DMAC2: variants seen among roughly 807,000 people sequenced by gnomAD.
The protein encoded by DMAC2 is distal membrane-arm assembly complex protein 2.
Under a neutral mutation model 29.6 loss-of-function variants are expected in DMAC2, and 32 were observed. The observed-to-expected ratio is 1.08, with a 90% CI of 0.81 to 1.45. The LOEUF is 1.45. DMAC2 is among the 40% of genes most tolerant of loss of function. DMAC2 has a pLI of 0.00. For synonymous variants in DMAC2, 133 were observed against 137.4 expected, an observed-to-expected ratio of 0.97 and a Z score of 0.23; for missense variants, 319 against 340.0, an observed-to-expected ratio of 0.94 and a Z score of 0.49.
intron 1 of DMAC2, chr19:41,439,229 C>A: frequency 2.9e-5 from 11 of 375,312 alleles, no homozygotes; most frequent in East Asian, 4.7e-5. Flanking sequence ...TTTTTTTTTT[C>A]AAATTATCTC....
chr19:41,432,440 T>G lies in DMAC2; in HGVS notation c.597-32A>C, dbSNP rs148566934. 5.0e-6 allele frequency: 8 copies of G among 1,606,656 alleles called. No individual in the cohort carries two copies. In the East Asian group the frequency reaches 1.8e-4, roughly 36 times the overall value. ...AGGGGTGAGAAGGACAGGAAGCCAG[T>G]GTAAGGACAGCATGTGTGTGTGTGT... On this transcript the variant is annotated intron_variant, in intron 5 of 5. Coordinates refer to ENST00000221943, the MANE Select transcript of DMAC2 (RefSeq NM_018035.3).
chr19:41,436,367 C>G, intron 3 of DMAC2, 25 bp downstream of exon 3: 2 of 1,608,576 alleles, frequency 1.2e-6, no homozygotes, highest in Non-Finnish European at 1.7e-6. Context: ...TGCCCCAGCC[C>G]GTTCTAACAC....
intron 5 of DMAC2, chr19:41,432,883 CGT>C: frequency 4.9e-6 from 2 of 405,092 alleles, no homozygotes; most frequent in Non-Finnish European, 8.8e-6. Context: ...TGTGTGTGTG[CGT>C]GCGTGCATGC....
intron 2 of DMAC2, among the ~76,000 whole-genome samples, chr19:41,437,071 A>G (rs1555771423): frequency 1.3e-5 from 2 of 152,138 alleles, no homozygotes; most frequent in East Asian, 1.9e-4. Flanking sequence ...GCTGGTGATG[A>G]TAAGATTCCT....
chr19:41,439,528 A>G, intron 1 of DMAC2: 1 of 1,537,006 alleles, frequency 6.5e-7, no homozygotes, highest in South Asian at 1.2e-5. Flanking sequence ...AATCCCTTCC[A>G]AGCTCTCTTA....
intron 3 of DMAC2, among the ~76,000 whole-genome samples, chr19:41,434,403 A>AT (rs2122225472): frequency 6.6e-6 from 1 of 151,230 alleles, no homozygotes; most frequent in African/African-American, 2.4e-5. Context: ...ATCTCAAAAA[A>AT]AAAAAAAAAA....
At position 41,433,570 on chromosome 19, in the gene DMAC2, A is replaced by T; in HGVS notation, c.400T>A (p.Cys134Ser). ...TCCAGGCCCTCGTAGTTGATGTCAC[A>T]GTCACCGGCATCCACAGCTTCGACA... ...VPVEAVDAGD[C>S]DINYEGLDNL... The change falls in exon 4 of 6, where the codon TGT becomes AGT. Residue 134 changes from cysteine to serine, a missense_variant. Physicochemically the swap from Cys to Ser is moderately radical, Grantham distance 112. Transcript: ENST00000221943. The T allele has an allele frequency of 1.2e-6, 2 of 1,614,172 alleles. No individual in the cohort carries two copies. The highest frequency in any genetic ancestry group is 1.7e-6 in the Non-Finnish European group (2 of 1,180,020).
rs2231944 is a variant in DMAC2, at chr19:41,432,303, G to A, written c.702C>T (p.Val234=). ...CTGACTTCAGGCCCTCAGCCCAGTC[G>A]ACTCCCACAACCTCGCAATTGGGCA... ...EMLPNCEVVG[V]DWAEGLKSGP... Residue 234 remains valine (V), a synonymous_variant, in exon 6 of 6, where the codon GTC becomes GTT. Coordinates refer to ENST00000221943, the MANE Select transcript of DMAC2 (RefSeq NM_018035.3). 9,628 of 1,614,112 alleles carry A rather than the reference G, an allele frequency of 6.0e-3. 469 individuals carry two copies. In the African/African-American group the frequency reaches 0.11, roughly 18 times the overall value.
chr19:41,439,729 C>G (rs1391511436), intron 1 of DMAC2, 153 bp downstream of exon 1: 1 of 1,385,556 alleles, frequency 7.2e-7, no homozygotes, highest in Non-Finnish European at 1.0e-6. Context: ...CTGGCCCCCA[C>G]TAGCCACAGG....
In DMAC2 at chr19:41,433,445, G is replaced by T. The variant is rs199581403; in HGVS notation, c.434-11C>A. 4 of 1,613,124 alleles carry T rather than the reference G, an allele frequency of 2.5e-6. No homozygotes were observed. The East Asian group carries it at 8.9e-5, about 36-fold the overall frequency. On this transcript the variant is annotated splice_polypyrimidine_tract_variant and intron_variant, in intron 4 of 5. Coordinates refer to ENST00000221943, the MANE Select transcript of DMAC2 (RefSeq NM_018035.3). ...GCTCCTTCAGGCGGACTGCGGTGGGGAGAGGGTGGGATGGCACCAGGAGCC... is the reference window on the plus strand; with the variant it reads ...GCTCCTTCAGGCGGACTGCGGTGGGTAGAGGGTGGGATGGCACCAGGAGCC...
rs782666075 is a variant in DMAC2 at position 41,438,431 on chromosome 19, G to C, written c.19-17C>G. On this transcript the variant is annotated splice_polypyrimidine_tract_variant and intron_variant, in intron 1 of 5. Transcript: ENST00000221943. ...GCGCAGGGACTGGGGAGGGGGAGAG[G>C]AAAGGAGCTGAGCCTGGAGCCTCCT... The C allele has an allele frequency of 1.2e-6, 2 of 1,601,482 alleles. No individual in the cohort carries two copies. Among genetic ancestry groups the C allele is most frequent in the East Asian group, 4.5e-5 (2 of 44,656 alleles).
rs781976580 is a variant in DMAC2, at chr19:41,436,479, A to T, written c.216-7T>A. 5.0e-6 allele frequency: 8 copies of T among 1,613,802 alleles called. No individual in the cohort carries two copies. Among genetic ancestry groups the T allele is most frequent in the Non-Finnish European group, 6.8e-6 (8 of 1,179,764 alleles). ...CTCCAGCCAGGTGTAAGATCTGCAG[A>T]GAAAATGGTAGCTAAGGGTGAGGCC... is the stretch of plus-strand genomic sequence containing the variant. On this transcript the variant is annotated splice_polypyrimidine_tract_variant and splice_region_variant and intron_variant, in intron 2 of 5. Coordinates refer to ENST00000221943, the MANE Select transcript of DMAC2 (RefSeq NM_018035.3).
At chr19:41,439,217 CTT>C (rs75124807) in intron 1 of DMAC2, 252 of 372,992 alleles carry the variant, frequency 6.8e-4, no homozygotes, top group East Asian at 1.3e-3. Flanking sequence ...TAACCAAATT[CTT>C]TTTTTTTTTC....
intron 1 of DMAC2, chr19:41,439,383 A>T: frequency 1.1e-6 from 1 of 879,004 alleles, no homozygotes; most frequent in Admixed American, 2.1e-5. Context: ...TCATGCCCTT[A>T]GAACCTCCAA....
Position 41,438,290 on chromosome 19 carries a change from T to G in DMAC2, c.143A>C (p.Tyr48Ser). ...CCTCAGAGCCTCCACATCGTAGAAA[T>G]AGTTGGTCAGGAACTGGAGTATTGT... is the stretch of plus-strand genomic sequence containing the variant. ...KRTILQFLTN[Y>S]FYDVEALRDY... The change falls in exon 2 of 6, where the codon TAT becomes TCT. Residue 48 changes from tyrosine (Y) to serine (S), a missense_variant. Coordinates refer to ENST00000221943, the MANE Select transcript of DMAC2 (RefSeq NM_018035.3). The G allele has an allele frequency of 6.2e-7, 1 of 1,614,242 alleles. No individual in the cohort carries two copies. The highest frequency in any genetic ancestry group is 8.5e-7 in the Non-Finnish European group (1 of 1,180,036).
intron 2 of DMAC2, among the ~76,000 whole-genome samples, chr19:41,437,016 CTA>C (rs778491814): frequency 1.3e-5 from 2 of 152,174 alleles, no homozygotes; most frequent in Non-Finnish European, 2.9e-5. Flanking sequence ...TCAGTAGGAG[CTA>C]TGTTTTAGGC....
intron 4 of DMAC2, 22 bp downstream of exon 4, chr19:41,433,513 CCA>C (rs1568519596): frequency 6.2e-7 from 1 of 1,614,160 alleles, no homozygotes; most frequent in East Asian, 2.2e-5. Flanking sequence ...GAGGCCTGTC[CCA>C]TCTCCACCCC....
chr19:41,438,709 T>C (rs185131569), intron 1 of DMAC2, among the ~76,000 whole-genome samples: 1 of 152,290 alleles, frequency 6.6e-6, no homozygotes, highest in Non-Finnish European at 1.5e-5. Context: ...CCTGCATTAT[T>C]TGACCTCTTA....
At chr19:41,433,752 C>T (rs1941564492) in intron 3 of DMAC2, 79 bp from the exon 4 acceptor site, 1 of 1,576,794 alleles carries the variant, frequency 6.3e-7, no homozygotes, top group South Asian at 1.1e-5. Context: ...CTTCCCCAGC[C>T]CTATATAATA....
Sources: allele counts gnomAD v4.1 joint callset (sites outside exome capture counted in the v4.1 genomes callset), GRCh38; gene constraint gnomAD v4.1.1; transcripts MANE v1.5; gene names NCBI Gene and HGNC (gene_info 2026-07-23, HGNC 2026-07-21).